Variants in BST1 observed in about 807,000 individuals in gnomAD.
BST1 encodes the protein ADP-ribosyl cyclase/cyclic ADP-ribose hydrolase 2.
BST1 carries 49 observed loss-of-function variants against 40.6 expected under a neutral mutation model. The observed-to-expected ratio is 1.21, with a 90% confidence interval of 0.96 to 1.53. The LOEUF is 1.53. Ranked by LOEUF, BST1 falls within the 40% of genes most tolerant of loss-of-function variation. The pLI, the probability that BST1 is intolerant of heterozygous loss-of-function variation, is 0.00. For missense variants in BST1, 423 were observed against 395.9 expected, an observed-to-expected ratio of 1.07 and a Z score of -0.58; for synonymous variants, 157 against 159.3, an observed-to-expected ratio of 0.99 and a Z score of 0.11.
At chr4:15,770,279 C>T in the BST1 span, among the ~76,000 whole-genome samples, 8 of 152,170 alleles carry the variant, frequency 5.3e-5, no homozygotes, top group African/African-American at 9.7e-5. Context: ...AGTCATGCCT[C>T]TTGTCCCCAG....
the BST1 span, among the ~76,000 whole-genome samples, chr4:15,761,046 T>C: frequency 6.6e-5 from 10 of 151,818 alleles, no homozygotes; most frequent in African/African-American, 2.2e-4. Flanking sequence ...TTTTGTTTTG[T>C]TTTGTTTTGT....
intron 8 of BST1, among the ~76,000 whole-genome samples, chr4:15,729,898 G>A (rs74959821): frequency 2.4e-3 from 361 of 152,168 alleles, no homozygotes; most frequent in African/African-American, 8.3e-3. Context: ...GTTCCTTCTA[G>A]GCAAAGGAAT....
chr4:15,736,101 A>G (rs1721552006), downstream of BST1: 2 of 1,288,880 alleles, frequency 1.6e-6, no homozygotes, highest in African/African-American at 3.0e-5. Flanking sequence ...GAGCAGAACC[A>G]TACAACCGCC....
intron 7 of BST1, among the ~76,000 whole-genome samples, chr4:15,720,062 T>C (rs562987614): frequency 6.6e-6 from 1 of 152,308 alleles, no homozygotes; most frequent in East Asian, 1.9e-4. Context: ...AGTGCATACC[T>C]GCAACCAGCC....
intron 1 of BST1, chr4:15,704,908 C>T (rs749895100): frequency 2.0e-4 from 157 of 770,008 alleles, no homozygotes; most frequent in Non-Finnish European, 3.5e-4. Flanking sequence ...TTTTTATTGT[C>T]GCACATTTCA....
chr4:15,765,930 CGAA>C, the BST1 span, among the ~76,000 whole-genome samples: 1 of 151,924 alleles, frequency 6.6e-6, no homozygotes, highest in Non-Finnish European at 1.5e-5. Flanking sequence ...TTCTGGCAAC[CGAA>C]TTTGTTTAAC....
At chr4:15,740,524 T>A (rs1721718467), downstream of BST1, among the ~76,000 whole-genome samples, 1 of 152,002 alleles carries the variant, frequency 6.6e-6, no homozygotes. Flanking sequence ...ATTAGCCAGA[T>A]GAGAGGTGAA....
chr4:15,748,278 A>G, the BST1 span, among the ~76,000 whole-genome samples: 3 of 152,200 alleles, frequency 2.0e-5, no homozygotes, highest in African/African-American at 7.2e-5. Flanking sequence ...TCCCAGGAGC[A>G]TGGTGCCGAT....
the BST1 span, among the ~76,000 whole-genome samples, chr4:15,768,016 T>C: frequency 6.6e-6 from 1 of 152,202 alleles, no homozygotes; most frequent in Non-Finnish European, 1.5e-5. Context: ...CTTTGTGGTA[T>C]GGAAAAACAA....
intron 8 of BST1, chr4:15,731,207 T>C (rs16898413): frequency 0.083 from 36,939 of 445,854 alleles, 3,955 homozygotes; most frequent in East Asian, 0.52. Flanking sequence ...ATGTTTTCCT[T>C]GTGTGTGAGC....
chr4:15,749,477 T>C, the BST1 span, among the ~76,000 whole-genome samples: 1 of 152,322 alleles, frequency 6.6e-6, no homozygotes, highest in South Asian at 2.1e-4. Context: ...AAATTCATTA[T>C]TGCTACAGAT....
chr4:15,726,311 G>C (rs190178637), intron 8 of BST1, among the ~76,000 whole-genome samples: 1 of 151,520 alleles, frequency 6.6e-6, no homozygotes, highest in Non-Finnish European at 1.5e-5. Context: ...CTTGCAACTC[G>C]GTAGACACTT....
chr4:15,711,936 T>A, intron 4 of BST1, 47 bp downstream of exon 4: 1 of 1,522,686 alleles, frequency 6.6e-7, no homozygotes, highest in South Asian at 1.1e-5. Context: ...GTGGGACCCA[T>A]AGAGATGGAA....
chr4:15,715,841 G>A, intron 6 of BST1, 42 bp downstream of exon 6: 1 of 1,394,162 alleles, frequency 7.2e-7, no homozygotes. Context: ...GCACAAGTTT[G>A]TTTTTCTTGT....
chr4:15,735,631 A>G (rs1233088646), downstream of BST1, among the ~76,000 whole-genome samples: 1 of 152,154 alleles, frequency 6.6e-6, no homozygotes, highest in Non-Finnish European at 1.5e-5. Context: ...AGAGAAAAGG[A>G]CCCAACCAAC....
chr4:15,770,275 G>A, the BST1 span, among the ~76,000 whole-genome samples: 2 of 152,152 alleles, frequency 1.3e-5, no homozygotes, highest in Non-Finnish European at 2.9e-5. Flanking sequence ...AGATAGTCAT[G>A]CCTCTTGTCC....
chr4:15,763,986 C>T, the BST1 span, among the ~76,000 whole-genome samples: 1 of 152,040 alleles, frequency 6.6e-6, no homozygotes, highest in Non-Finnish European at 1.5e-5. Context: ...GTGGACATCA[C>T]TCTACCTTTG....
intron 7 of BST1, 43 bp downstream of exon 7, chr4:15,719,036 A>T (rs757658291): frequency 1.3e-6 from 2 of 1,574,102 alleles, no homozygotes; most frequent in Middle Eastern, 1.7e-4. Context: ...GAGGTGGTGT[A>T]TGATTTTGGA....
At chr4:15,767,655 C>CT in the BST1 span, among the ~76,000 whole-genome samples, 1 of 149,940 alleles carries the variant, frequency 6.7e-6, no homozygotes, top group African/African-American at 2.5e-5. Flanking sequence ...TTGTTTTACT[C>CT]TTTTTAAAGC....
Sources: gnomAD v4.1 joint callset for allele counts (sites outside exome capture counted in the v4.1 genomes callset) on GRCh38, gnomAD v4.1.1 for gene constraint, MANE v1.5 for transcripts, NCBI Gene and HGNC (gene_info 2026-07-23, HGNC 2026-07-21) for gene names.